NBAS: variants seen among roughly 807,000 people sequenced by gnomAD.
NBAS encodes NAG/BC035112 fusion.
A neutral mutation model predicts 302.5 loss-of-function variants in NBAS; 219 were observed. That is an observed-to-expected ratio of 0.72 (90% CI 0.65 to 0.81). The LOEUF is 0.81. Ranked by LOEUF, NBAS falls within the 30% of genes least tolerant of loss-of-function variation. The pLI, the probability that NBAS is intolerant of heterozygous loss-of-function variation, is 0.00. For missense variants in NBAS, 2,932 were observed against 2,841.6 expected, an observed-to-expected ratio of 1.03 and a Z score of -0.72; for synonymous variants, 1,118 against 1,021.6, an observed-to-expected ratio of 1.09 and a Z score of -1.80.
the NBAS span, among the ~76,000 whole-genome samples, chr2:14,796,123 T>C: frequency 6.6e-6 from 1 of 152,230 alleles, no homozygotes; most frequent in Non-Finnish European, 1.5e-5. Context: ...CTCCACTGAA[T>C]TGCTATGGAA....
At chr2:14,797,459 C>T in the NBAS span, among the ~76,000 whole-genome samples, 2 of 152,174 alleles carry the variant, frequency 1.3e-5, no homozygotes, top group African/African-American at 2.4e-5. Flanking sequence ...AGCAAGGCGG[C>T]GGGACTGAAT....
intron 44 of NBAS, among the ~76,000 whole-genome samples, chr2:15,247,584 A>T (rs1409225251): frequency 6.6e-6 from 1 of 152,080 alleles, no homozygotes; most frequent in Non-Finnish European, 1.5e-5. Flanking sequence ...GATACAACAG[A>T]ATTTAAACCA....
intron 11 of NBAS, among the ~76,000 whole-genome samples, chr2:15,501,214 T>G (rs1324441829): frequency 2.0e-5 from 3 of 151,034 alleles, no homozygotes; most frequent in Non-Finnish European, 2.9e-5. Context: ...GACAGGAGAA[T>G]GGTGTGAACC....
chr2:14,789,700 A>T, the NBAS span, among the ~76,000 whole-genome samples: 16 of 152,194 alleles, frequency 1.1e-4, no homozygotes, highest in African/African-American at 3.9e-4. Flanking sequence ...GCAAGATTGG[A>T]GGGATACCAC....
At chr2:15,428,360 C>T (rs1218435569) in intron 21 of NBAS, among the ~76,000 whole-genome samples, 2 of 152,138 alleles carry the variant, frequency 1.3e-5, no homozygotes, top group Non-Finnish European at 2.9e-5. Context: ...TTAGATAGCA[C>T]AGACCTAGAG....
chr2:15,561,133 T>C, intron 1 of NBAS, 55 bp downstream of exon 1: 2 of 1,415,262 alleles, frequency 1.4e-6, no homozygotes, highest in Non-Finnish European at 2.0e-6. Context: ...TACGTGGCTC[T>C]ACCCACGAAG....
At chr2:15,508,996 A>G (rs1270402812) in intron 10 of NBAS, among the ~76,000 whole-genome samples, 3 of 152,138 alleles carry the variant, frequency 2.0e-5, no homozygotes, top group African/African-American at 7.2e-5. Flanking sequence ...GAGCTAAGAG[A>G]AACTTCTTCA....
chr2:15,204,753 G>A (rs149527590), intron 48 of NBAS, among the ~76,000 whole-genome samples: 1 of 152,076 alleles, frequency 6.6e-6, no homozygotes, highest in South Asian at 2.1e-4. Flanking sequence ...GCAAACTATC[G>A]CATGGACAGA....
At chr2:14,831,965 A>G in the NBAS span, among the ~76,000 whole-genome samples, 1 of 152,216 alleles carries the variant, frequency 6.6e-6, no homozygotes, top group African/African-American at 2.4e-5. Flanking sequence ...CAATCAGTCA[A>G]TGACTCATGA....
chr2:14,904,932 C>T, the NBAS span, among the ~76,000 whole-genome samples: 1 of 152,122 alleles, frequency 6.6e-6, no homozygotes, highest in Non-Finnish European at 1.5e-5. Context: ...GCCTGTAGTC[C>T]CAGCTAATTG....
At chr2:15,123,330 G>A in the NBAS span, among the ~76,000 whole-genome samples, 17 of 152,290 alleles carry the variant, frequency 1.1e-4, no homozygotes, top group African/African-American at 3.4e-4. Context: ...ACTAAGGAAA[G>A]GAGAAGGGAT....
At chr2:15,104,830 G>T in the NBAS span, among the ~76,000 whole-genome samples, 7 of 151,920 alleles carry the variant, frequency 4.6e-5, no homozygotes, top group African/African-American at 1.7e-4. Flanking sequence ...TAATATGTTT[G>T]TTGGCCACAT....
At chr2:15,434,238 AAG>A (rs1207131114) in intron 21 of NBAS, among the ~76,000 whole-genome samples, 2 of 152,232 alleles carry the variant, frequency 1.3e-5, no homozygotes, top group Non-Finnish European at 2.9e-5. Context: ...TAAACAAAAC[AAG>A]AGAGATAAAC....
chr2:15,207,078 G>A (rs868123026), intron 48 of NBAS, among the ~76,000 whole-genome samples: 3 of 152,256 alleles, frequency 2.0e-5, no homozygotes, highest in Middle Eastern at 3.4e-3. Flanking sequence ...GGCAATCAAC[G>A]CCAGCCTGAG....
At chr2:15,364,493 T>C (rs1337202523) in intron 32 of NBAS, among the ~76,000 whole-genome samples, 6 of 151,982 alleles carry the variant, frequency 3.9e-5, no homozygotes, top group Non-Finnish European at 7.4e-5. Flanking sequence ...ATGGCGCCAT[T>C]GCACTCCAGC....
chr2:15,147,577 A>G, the NBAS span, among the ~76,000 whole-genome samples: 2 of 152,062 alleles, frequency 1.3e-5, no homozygotes, highest in African/African-American at 4.8e-5. Context: ...GGGCAACAAG[A>G]GCGAAACTCC....
At chr2:14,958,538 T>A in the NBAS span, among the ~76,000 whole-genome samples, 1 of 152,062 alleles carries the variant, frequency 6.6e-6, no homozygotes, top group Non-Finnish European at 1.5e-5. Flanking sequence ...CTGAGATTTA[T>A]ATTAGAGGGA....
rs146004173 is a variant in NBAS, at chr2:15,395,515, C to T, written c.3134+898G>A. Among the ~76,000 whole-genome samples, 443 of 152,130 alleles carry T rather than the reference C, an allele frequency of 2.9e-3. 2 individuals are homozygous for T. The highest frequency in any genetic ancestry group is 1.0e-2 in the African/African-American group (415 of 41,528). ...AGGAATCAAGCTAGGTAATAATAAACACAGGTCTTCAGGAAACTGAAGAGT... is the reference window on the plus strand; with the variant it reads ...AGGAATCAAGCTAGGTAATAATAAATACAGGTCTTCAGGAAACTGAAGAGT... On this transcript the variant is annotated intron_variant, in intron 27 of 51. Transcript: ENST00000281513.
chr2:15,340,842 T>A (rs1672814262), intron 35 of NBAS, among the ~76,000 whole-genome samples: 1 of 151,978 alleles, frequency 6.6e-6, no homozygotes, highest in South Asian at 2.1e-4. Context: ...ATAGGTCAAA[T>A]AAAACAAAGA....
Sources: gnomAD v4.1 joint callset for allele counts (sites outside exome capture counted in the v4.1 genomes callset) on GRCh38, gnomAD v4.1.1 for gene constraint, MANE v1.5 for transcripts, NCBI Gene and HGNC (gene_info 2026-07-23, HGNC 2026-07-21) for gene names.